Variants in SLC9A9 observed in about 807,000 individuals in gnomAD.
The protein encoded by SLC9A9 is sodium/hydrogen exchanger 9.
SLC9A9 carries 62 observed loss-of-function variants against 77.8 expected under a neutral mutation model. The ratio of observed to expected loss-of-function variants is 0.80; its 90% CI spans 0.65 to 0.98. The LOEUF (loss-of-function observed/expected upper bound fraction) is 0.98, where lower values mean the gene tolerates loss of function less well. Ranked by LOEUF, SLC9A9 falls within the 50% of genes least tolerant of loss-of-function variation. SLC9A9 has a pLI of 0.00. For missense variants in SLC9A9, 775 were observed against 774.9 expected (o/e 1.00, Z 0.00); for synonymous variants, 320 against 283.5 (o/e 1.13, Z -1.29).
chr3:143,578,774 CA>C (rs2037408148), intron 6 of SLC9A9, 51 bp from the exon 7 acceptor site: 1 of 1,611,442 alleles, frequency 6.2e-7, no homozygotes, highest in African/African-American at 1.3e-5. Context: ...TCTCATAGCC[CA>C]GATAGGATTT....
intron 5 of SLC9A9, among the ~76,000 whole-genome samples, chr3:143,669,930 C>G (rs749788909): frequency 6.6e-6 from 1 of 152,084 alleles, no homozygotes; most frequent in Non-Finnish European, 1.5e-5. Context: ...TTGTTCATGC[C>G]ATCAAAACTA....
chr3:143,505,948 A>C (rs2036008647), intron 9 of SLC9A9, among the ~76,000 whole-genome samples: 1 of 152,194 alleles, frequency 6.6e-6, no homozygotes, highest in Admixed American at 6.5e-5. Flanking sequence ...AATAGTATTC[A>C]TATTTCTGGA....
chr3:143,504,444 A>G (rs1323485890), intron 9 of SLC9A9, among the ~76,000 whole-genome samples: 1 of 152,166 alleles, frequency 6.6e-6, no homozygotes, highest in Non-Finnish European at 1.5e-5. Flanking sequence ...GGCACAGGAG[A>G]TGAATTATAA....
At chr3:143,774,765 T>C (rs1411951735) in intron 4 of SLC9A9, among the ~76,000 whole-genome samples, 1 of 152,182 alleles carries the variant, frequency 6.6e-6, no homozygotes, top group Non-Finnish European at 1.5e-5. Context: ...TTGGCCTATT[T>C]GGAACCTTTC....
At chr3:143,583,251 T>C (rs1431709583) in intron 6 of SLC9A9, among the ~76,000 whole-genome samples, 2 of 152,200 alleles carry the variant, frequency 1.3e-5, no homozygotes, top group Non-Finnish European at 1.5e-5. Context: ...CAATAGATTA[T>C]TCAGCAAAAT....
At chr3:143,347,960 A>G (rs1289836751) in intron 14 of SLC9A9, among the ~76,000 whole-genome samples, 1 of 152,016 alleles carries the variant, frequency 6.6e-6, no homozygotes, top group Non-Finnish European at 1.5e-5. Flanking sequence ...CCTTGTTTCT[A>G]TCAGAAATAG....
At position 143,500,662 on chromosome 3, in the gene SLC9A9, T is replaced by C. The variant is rs118014727; in HGVS notation, c.1090-5214A>G. On this transcript the variant is annotated intron_variant, in intron 9 of 15. Coordinates refer to ENST00000316549, the MANE Select transcript of SLC9A9 (RefSeq NM_173653.4). Reference sequence around the variant, plus strand: ...TCCTAGCTAGCTCTTCTTGTATGTATATTTTTCCAGGTGAAAACCAATTTT... The same window carrying C: ...TCCTAGCTAGCTCTTCTTGTATGTACATTTTTCCAGGTGAAAACCAATTTT... Among the ~76,000 whole-genome samples the C allele has an allele frequency of 2.7e-3, 407 of 152,238 alleles. 3 individuals carry two copies. In the East Asian group the frequency reaches 0.034, roughly 13 times the overall value.
chr3:143,630,922 G>T (rs926039914), intron 6 of SLC9A9, among the ~76,000 whole-genome samples: 1 of 151,940 alleles, frequency 6.6e-6, no homozygotes, highest in African/African-American at 2.4e-5. Context: ...TTTCCAGCTC[G>T]TTGCTATATT....
chr3:143,386,869 C>T (rs1228329137), intron 12 of SLC9A9, among the ~76,000 whole-genome samples: 7 of 152,148 alleles, frequency 4.6e-5, no homozygotes, highest in Admixed American at 4.6e-4. Flanking sequence ...GAGACACAGT[C>T]TCATTCTGTC....
intron 4 of SLC9A9, among the ~76,000 whole-genome samples, chr3:143,786,918 G>C (rs963429359): frequency 6.6e-6 from 1 of 152,158 alleles, no homozygotes; most frequent in African/African-American, 2.4e-5. Flanking sequence ...GGCTCCAGGG[G>C]CAGTGAAGAA....
intron 9 of SLC9A9, among the ~76,000 whole-genome samples, chr3:143,507,265 T>C (rs1409594543): frequency 6.6e-6 from 1 of 152,080 alleles, no homozygotes. Context: ...TGGAGTGCAG[T>C]GGCGCGATCT....
At chr3:143,647,217 T>C (rs1367779052) in intron 6 of SLC9A9, among the ~76,000 whole-genome samples, 2 of 152,192 alleles carry the variant, frequency 1.3e-5, no homozygotes, top group Non-Finnish European at 2.9e-5. Flanking sequence ...ATTGAGTAAC[T>C]TGCCCAAGGT....
intron 1 of SLC9A9, among the ~76,000 whole-genome samples, chr3:143,832,828 G>T (rs775778619): frequency 6.6e-6 from 1 of 151,766 alleles, no homozygotes; most frequent in Non-Finnish European, 1.5e-5. Context: ...CAGAACCTAG[G>T]TGTTGAAGGA....
intron 14 of SLC9A9, among the ~76,000 whole-genome samples, chr3:143,285,224 C>T (rs1469327375): frequency 6.6e-6 from 1 of 152,140 alleles, no homozygotes; most frequent in Non-Finnish European, 1.5e-5. Context: ...CTAATGCTAG[C>T]CCTCTCCTAG....
intron 4 of SLC9A9, among the ~76,000 whole-genome samples, chr3:143,762,876 C>A (rs1184256661): frequency 6.6e-6 from 1 of 152,094 alleles, no homozygotes; most frequent in African/African-American, 2.4e-5. Context: ...GGTTTCATAA[C>A]CTTAGAAGTT....
At chr3:143,543,607 G>A (rs906088704) in intron 9 of SLC9A9, among the ~76,000 whole-genome samples, 7 of 151,988 alleles carry the variant, frequency 4.6e-5, no homozygotes, top group Non-Finnish European at 8.8e-5. Flanking sequence ...AGTGCCCAAC[G>A]TTTATCTCCC....
At chr3:143,318,349 CAAG>C (rs2031300419) in intron 14 of SLC9A9, among the ~76,000 whole-genome samples, 1 of 152,096 alleles carries the variant, frequency 6.6e-6, no homozygotes, top group African/African-American at 2.4e-5. Context: ...AATAGATAAG[CAAG>C]TATTTTTGTG....
intron 14 of SLC9A9, among the ~76,000 whole-genome samples, chr3:143,352,365 A>T (rs952829217): frequency 6.6e-6 from 1 of 152,252 alleles, no homozygotes; most frequent in Non-Finnish European, 1.5e-5. Context: ...TGCATGAGCT[A>T]GAAATCACTT....
intron 6 of SLC9A9, chr3:143,627,295 T>C (rs984087604): frequency 1.6e-5 from 3 of 189,746 alleles, no homozygotes; most frequent in East Asian, 1.3e-4. Context: ...TGTAACATTA[T>C]ACATGGTGCA....
Sources: allele counts gnomAD v4.1 joint callset (sites outside exome capture counted in the v4.1 genomes callset), GRCh38; gene constraint gnomAD v4.1.1; transcripts MANE v1.5; gene names NCBI Gene and HGNC (gene_info 2026-07-23, HGNC 2026-07-21).